PLXDC2: variants seen among roughly 807,000 people sequenced by gnomAD.
PLXDC2 encodes the protein plexin domain containing 2.
PLXDC2 carries 40 observed loss-of-function variants against 68.9 expected under a neutral mutation model. That is an observed-to-expected ratio of 0.58 (90% confidence interval 0.45 to 0.76). The LOEUF is 0.76. Among genes scored for constraint, PLXDC2 ranks in the 30% least tolerant of loss-of-function variants. PLXDC2 has a pLI of 0.00. For synonymous variants in PLXDC2, 243 were observed against 234.2 expected, an observed-to-expected ratio of 1.04 and a Z score of -0.34; for missense variants, 644 against 661.9, an observed-to-expected ratio of 0.97 and a Z score of 0.30.
intron 1 of PLXDC2, among the ~76,000 whole-genome samples, chr10:19,984,225 G>C (rs959208491): frequency 6.6e-6 from 1 of 152,196 alleles, no homozygotes; most frequent in African/African-American, 2.4e-5. Context: ...GGCCACTCCA[G>C]TAAGAGGTCT....
chr10:20,099,602 A>C (rs1833396106), intron 4 of PLXDC2, among the ~76,000 whole-genome samples: 1 of 152,196 alleles, frequency 6.6e-6, no homozygotes, highest in African/African-American at 2.4e-5. Flanking sequence ...AGAAAATAAT[A>C]GTCCATGAAG....
intron 1 of PLXDC2, among the ~76,000 whole-genome samples, chr10:19,901,189 C>A (rs1292764381): frequency 6.6e-6 from 1 of 152,046 alleles, no homozygotes; most frequent in African/African-American, 2.4e-5. Context: ...TGGGTAGACA[C>A]CTAGTAATGG....
chr10:20,181,466 C>G (rs1164347405), intron 9 of PLXDC2, among the ~76,000 whole-genome samples: 1 of 151,964 alleles, frequency 6.6e-6, no homozygotes, highest in Non-Finnish European at 1.5e-5. Flanking sequence ...GGATTGTCTG[C>G]TGGATTTGAA....
At chr10:20,196,331 G>A (rs1255156900) in intron 9 of PLXDC2, among the ~76,000 whole-genome samples, 1 of 152,132 alleles carries the variant, frequency 6.6e-6, no homozygotes, top group Non-Finnish European at 1.5e-5. Context: ...GATTTCATGT[G>A]GATTTTCTCT....
intron 1 of PLXDC2, among the ~76,000 whole-genome samples, chr10:20,000,118 G>T (rs565499508): frequency 1.3e-5 from 2 of 152,212 alleles, no homozygotes; most frequent in Admixed American, 1.3e-4. Flanking sequence ...AACACATTTT[G>T]AGTACTATCC....
At chr10:20,017,119 G>C (rs962074626) in intron 2 of PLXDC2, among the ~76,000 whole-genome samples, 1 of 152,178 alleles carries the variant, frequency 6.6e-6, no homozygotes, top group South Asian at 2.1e-4. Context: ...AGAGAGAAAC[G>C]AGAAGCACCT....
intron 3 of PLXDC2, among the ~76,000 whole-genome samples, chr10:20,054,697 C>T: frequency 6.6e-6 from 1 of 151,854 alleles, no homozygotes; most frequent in Non-Finnish European, 1.5e-5. Context: ...ACACCGGGGC[C>T]TATTGTGAGG....
At chr10:19,914,366 A>G (rs550969009) in intron 1 of PLXDC2, among the ~76,000 whole-genome samples, 11 of 152,148 alleles carry the variant, frequency 7.2e-5, no homozygotes, top group Non-Finnish European at 8.8e-5. Flanking sequence ...TGCAATCACT[A>G]TATTCTGTCT....
intron 4 of PLXDC2, among the ~76,000 whole-genome samples, chr10:20,078,988 G>A (rs1836501392): frequency 2.0e-5 from 3 of 151,856 alleles, no homozygotes. Context: ...GAGATTGGGA[G>A]CATTTTTCTA....
chr10:19,969,937 C>T (rs976212509), intron 1 of PLXDC2, among the ~76,000 whole-genome samples: 2 of 152,140 alleles, frequency 1.3e-5, no homozygotes, highest in South Asian at 2.1e-4. Flanking sequence ...CCACATTTTC[C>T]GTTTTCTCCA....
chr10:19,860,780 C>T (rs1462014056), intron 1 of PLXDC2, among the ~76,000 whole-genome samples: 1 of 152,154 alleles, frequency 6.6e-6, no homozygotes, highest in Non-Finnish European at 1.5e-5. Flanking sequence ...GAACTAAGCT[C>T]ATTCTCTTTT....
At position 19,988,776 on chromosome 10, in the gene PLXDC2, C is replaced by CTTTT. The variant is rs552950916; in HGVS notation, c.113-12965_113-12962dup. Among the ~76,000 whole-genome samples the CTTTT allele has an allele frequency of 1.1e-4, 5 of 45,492 alleles. 2 individuals are homozygous for CTTTT. The highest frequency in any genetic ancestry group is 1.1e-4 in the Non-Finnish European group (3 of 26,110). 29.8% of individuals were successfully genotyped at this position (45,492 alleles called of 152,430 possible). A position where few individuals can be genotyped will look rare whatever the true frequency, so the allele number is the denominator to read the frequency against. ...AGTTAGGGTTAAGTTAATAATGCCA[C>CTTTT]TTTTTTTTTTTTTTTTTTTTTTTTT... On this transcript the variant is annotated intron_variant, in intron 1 of 13. Transcript: ENST00000377252.
intron 1 of PLXDC2, among the ~76,000 whole-genome samples, chr10:19,932,720 C>G (rs1327465120): frequency 6.6e-6 from 1 of 151,592 alleles, no homozygotes; most frequent in Non-Finnish European, 1.5e-5. Context: ...GTTTTAGTTG[C>G]AGAAGCTAAA....
chr10:20,044,235 T>TTCTTTCTTTCTTTCTTTCTTTC (rs1835749962), intron 2 of PLXDC2, among the ~76,000 whole-genome samples: 2 of 89,550 alleles, frequency 2.2e-5, no homozygotes, highest in Non-Finnish European at 4.2e-5. Context: ...CTTTCTTTCT[T>TTCTTTCTTTCTTTCTTTCTTTC]TCTTTCTTTC....
intron 4 of PLXDC2, among the ~76,000 whole-genome samples, chr10:20,134,293 T>G (rs1833905873): frequency 6.6e-6 from 1 of 152,236 alleles, no homozygotes; most frequent in Admixed American, 6.5e-5. Flanking sequence ...GTGAGCCTTG[T>G]TACCTTGCAT....
intron 2 of PLXDC2, among the ~76,000 whole-genome samples, chr10:20,037,799 T>A (rs1835604357): frequency 6.6e-6 from 1 of 152,214 alleles, no homozygotes; most frequent in African/African-American, 2.4e-5. Context: ...CAATCTCATC[T>A]ATGAGAGAGA....
intron 1 of PLXDC2, among the ~76,000 whole-genome samples, chr10:19,885,616 T>G (rs2131354987): frequency 6.6e-6 from 1 of 151,598 alleles, no homozygotes; most frequent in East Asian, 1.9e-4. Flanking sequence ...AGGGAATCCT[T>G]TCCCCATTTC....
intron 2 of PLXDC2, among the ~76,000 whole-genome samples, chr10:20,009,608 T>A (rs1271341611): frequency 6.6e-6 from 1 of 151,624 alleles, no homozygotes; most frequent in Non-Finnish European, 1.5e-5. Context: ...GGAGAAATAC[T>A]GCATTGGTTC....
intron 4 of PLXDC2, among the ~76,000 whole-genome samples, chr10:20,071,726 GGCTGACTGCAGGT>G (rs1461067191): frequency 1.3e-5 from 2 of 152,198 alleles, no homozygotes; most frequent in Admixed American, 6.5e-5. Flanking sequence ...CAATAGAGAA[GGCTGACTGCAGGT>G]GCTGAAAGAG....
Sources: allele counts gnomAD v4.1 joint callset (sites outside exome capture counted in the v4.1 genomes callset), GRCh38; gene constraint gnomAD v4.1.1; transcripts MANE v1.5; gene names NCBI Gene and HGNC (gene_info 2026-07-23, HGNC 2026-07-21).